The following GPC5 variants were observed in gnomAD, a reference collection of about 807,000 sequenced individuals.
The protein encoded by GPC5 is glypican 5.
GPC5 carries 47 observed loss-of-function variants against 53.9 expected under a neutral mutation model. That is an observed-to-expected ratio of 0.87 (90% CI 0.69 to 1.11). The LOEUF is 1.11. Ranked by LOEUF, GPC5 falls within the 50% of genes most tolerant of loss-of-function variation. The pLI is 0.00. For synonymous variants in GPC5, 286 were observed against 263.3 expected (o/e 1.09, Z -0.84); for missense variants, 748 against 713.1 (o/e 1.05, Z -0.56).
intron 1 of GPC5, among the ~76,000 whole-genome samples, chr13:91,442,607 A>G (rs1594096791): frequency 6.6e-6 from 1 of 152,128 alleles, no homozygotes; most frequent in East Asian, 1.9e-4. Flanking sequence ...CAGTCTGTAT[A>G]TTGCTGATTG....
chr13:92,753,589 T>G (rs1336418551), intron 7 of GPC5, among the ~76,000 whole-genome samples: 1 of 151,824 alleles, frequency 6.6e-6, no homozygotes, highest in Admixed American at 6.6e-5. Flanking sequence ...TGAAAAAAAT[T>G]TAGAAGAATG....
At chr13:92,064,705 C>T (rs1250485255) in intron 6 of GPC5, among the ~76,000 whole-genome samples, 1 of 146,926 alleles carries the variant, frequency 6.8e-6, no homozygotes, top group East Asian at 2.0e-4. Flanking sequence ...TGCAGTGAGC[C>T]AAGATCGCGC....
chr13:91,892,244 A>AT (rs1427197283), intron 5 of GPC5, among the ~76,000 whole-genome samples: 1 of 151,884 alleles, frequency 6.6e-6, no homozygotes, highest in Non-Finnish European at 1.5e-5. Context: ...ACCACATAGT[A>AT]TTTTTTCTCA....
intron 7 of GPC5, among the ~76,000 whole-genome samples, chr13:92,759,400 TC>T (rs1875066697): frequency 6.6e-6 from 1 of 152,078 alleles, no homozygotes; most frequent in South Asian, 2.1e-4. Context: ...TAATTTGTGT[TC>T]CCTTTTTTTC....
intron 7 of GPC5, among the ~76,000 whole-genome samples, chr13:92,372,337 CAG>C (rs1392051027): frequency 6.6e-6 from 1 of 152,130 alleles, no homozygotes; most frequent in East Asian, 1.9e-4. Flanking sequence ...CTCTGTGAAA[CAG>C]AATATTATAT....
chr13:92,488,724 G>A (rs1245058547), intron 7 of GPC5, among the ~76,000 whole-genome samples: 1 of 152,190 alleles, frequency 6.6e-6, no homozygotes, highest in Non-Finnish European at 1.5e-5. Flanking sequence ...TGTGTCGTAG[G>A]TGGTGGTTTC....
intron 1 of GPC5, among the ~76,000 whole-genome samples, chr13:91,439,766 G>C (rs1352734647): frequency 6.6e-6 from 1 of 152,130 alleles, no homozygotes; most frequent in Admixed American, 6.5e-5. Flanking sequence ...TACGTTCAGT[G>C]TATATATCTA....
chr13:91,917,162 G>T (rs1045023387), intron 6 of GPC5, among the ~76,000 whole-genome samples: 1 of 152,142 alleles, frequency 6.6e-6, no homozygotes, highest in Admixed American at 6.5e-5. Context: ...TACAATGGGG[G>T]TACAGGCATT....
At chr13:92,409,031 T>C (rs1008805179) in intron 7 of GPC5, among the ~76,000 whole-genome samples, 1 of 152,088 alleles carries the variant, frequency 6.6e-6, no homozygotes, top group Non-Finnish European at 1.5e-5. Context: ...TCTTTATAAA[T>C]TGAAATATTA....
At chr13:91,592,869 A>C (rs1016406363) in intron 2 of GPC5, among the ~76,000 whole-genome samples, 5 of 152,158 alleles carry the variant, frequency 3.3e-5, no homozygotes, top group Non-Finnish European at 7.4e-5. Context: ...GGGCCTGAAG[A>C]ATAGCTGTTC....
At chr13:92,198,326 C>T (rs780728608) in intron 7 of GPC5, among the ~76,000 whole-genome samples, 8 of 152,172 alleles carry the variant, frequency 5.3e-5, no homozygotes, top group Non-Finnish European at 1.0e-4. Flanking sequence ...GAGCCTGTTA[C>T]TAAGAGATGT....
intron 5 of GPC5, among the ~76,000 whole-genome samples, chr13:91,776,368 T>C (rs761870112): frequency 6.6e-6 from 1 of 152,208 alleles, no homozygotes; most frequent in Non-Finnish European, 1.5e-5. Context: ...GCTTTGTTTG[T>C]TTATACATCC....
intron 7 of GPC5, among the ~76,000 whole-genome samples, chr13:92,255,910 G>A (rs2042723166): frequency 6.6e-6 from 1 of 152,060 alleles, no homozygotes. Context: ...TTAGAAGGAA[G>A]GGAATGACTC....
At chr13:92,061,607 A>G (rs1236840308) in intron 6 of GPC5, among the ~76,000 whole-genome samples, 3 of 152,106 alleles carry the variant, frequency 2.0e-5, no homozygotes, top group Non-Finnish European at 1.5e-5. Context: ...TTTAAATATT[A>G]TCTAGAAATA....
At chr13:92,282,837 G>T (rs747245028) in intron 7 of GPC5, among the ~76,000 whole-genome samples, 1 of 152,110 alleles carries the variant, frequency 6.6e-6, no homozygotes, top group Admixed American at 6.6e-5. Flanking sequence ...ACATCAACTA[G>T]TGAGCAAAAT....
chr13:91,826,297 G>A (rs1412774346), intron 5 of GPC5, among the ~76,000 whole-genome samples: 5 of 152,022 alleles, frequency 3.3e-5, no homozygotes, highest in Non-Finnish European at 5.9e-5. Context: ...AACAGATGTG[G>A]AATATCAGCA....
chr13:92,023,708 T>A (rs2040778316), intron 6 of GPC5, among the ~76,000 whole-genome samples: 1 of 84,294 alleles, frequency 1.2e-5, no homozygotes, highest in Non-Finnish European at 3.0e-5. Context: ...TCTCTCTCTC[T>A]TATAAATTTA....
intron 5 of GPC5, among the ~76,000 whole-genome samples, chr13:91,797,277 A>G (rs2038061303): frequency 6.6e-6 from 1 of 152,174 alleles, no homozygotes; most frequent in Non-Finnish European, 1.5e-5. Context: ...TTCAATTAGA[A>G]TGTTGTGGCA....
intron 7 of GPC5, among the ~76,000 whole-genome samples, chr13:92,681,381 T>C (rs1771309093): frequency 6.6e-6 from 1 of 151,738 alleles, no homozygotes; most frequent in African/African-American, 2.4e-5. Context: ...CCAATCTCTC[T>C]TCCTCTGTCA....
Sources: allele counts gnomAD v4.1 joint callset (sites outside exome capture counted in the v4.1 genomes callset), GRCh38; gene constraint gnomAD v4.1.1; transcripts MANE v1.5; gene names NCBI Gene and HGNC (gene_info 2026-07-23, HGNC 2026-07-21).